The following CNTN5 variants were observed in gnomAD, a reference collection of about 807,000 sequenced individuals.
CNTN5 encodes contactin 5, also known as contactin-5.
A neutral mutation model predicts 129.1 loss-of-function variants in CNTN5; 77 were observed. The observed-to-expected ratio is 0.60, with a 90% CI of 0.50 to 0.72. CNTN5 has a LOEUF of 0.72. Ranked by LOEUF, CNTN5 falls within the 30% of genes least tolerant of loss-of-function variation. CNTN5 has a pLI of 0.00. For synonymous variants in CNTN5, 509 were observed against 465.6 expected (o/e 1.09, Z -1.20); for missense variants, 1,478 against 1,328.8 (o/e 1.11, Z -1.75).
chr11:100,045,674 A>T (rs1389257359), intron 9 of CNTN5, among the ~76,000 whole-genome samples: 2 of 151,932 alleles, frequency 1.3e-5, no homozygotes, highest in Non-Finnish European at 2.9e-5. Flanking sequence ...GTCGGTGGGA[A>T]AACACATACT....
intron 3 of CNTN5, among the ~76,000 whole-genome samples, chr11:99,760,811 G>A (rs908414562): frequency 6.6e-6 from 1 of 151,934 alleles, no homozygotes; most frequent in Non-Finnish European, 1.5e-5. Context: ...AGAATAAATA[G>A]TGAAATATTA....
At chr11:99,980,918 T>C (rs1424723708) in intron 8 of CNTN5, among the ~76,000 whole-genome samples, 1 of 151,734 alleles carries the variant, frequency 6.6e-6, no homozygotes, top group Non-Finnish European at 1.5e-5. Flanking sequence ...ATACCTTTAA[T>C]GATTGAAGTA....
At chr11:100,307,948 A>G (rs1951390200) in intron 20 of CNTN5, among the ~76,000 whole-genome samples, 1 of 151,692 alleles carries the variant, frequency 6.6e-6, no homozygotes, top group African/African-American at 2.4e-5. Context: ...AAGAGATAAA[A>G]CAACTTACCC....
intron 15 of CNTN5, among the ~76,000 whole-genome samples, chr11:100,199,868 A>ATGGACATT (rs1948733736): frequency 6.6e-6 from 1 of 151,972 alleles, no homozygotes; most frequent in African/African-American, 2.4e-5. Context: ...ATCACTTTGT[A>ATGGACATT]CTAAGAATGT....
intron 2 of CNTN5, among the ~76,000 whole-genome samples, chr11:99,417,648 A>T (rs1456575993): frequency 1.3e-5 from 2 of 152,116 alleles, no homozygotes; most frequent in East Asian, 1.9e-4. Flanking sequence ...TGAGTTGAAG[A>T]ATCTAATGCT....
intron 3 of CNTN5, among the ~76,000 whole-genome samples, chr11:99,701,928 C>T (rs149167415): frequency 6.6e-6 from 1 of 150,874 alleles, no homozygotes; most frequent in Non-Finnish European, 1.5e-5. Context: ...ATGTCTGATT[C>T]TACTGTGAAA....
intron 13 of CNTN5, among the ~76,000 whole-genome samples, chr11:100,180,240 C>A (rs985266257): frequency 1.3e-5 from 2 of 152,122 alleles, no homozygotes; most frequent in African/African-American, 4.8e-5. Context: ...GTAATCAAGA[C>A]TGTGTAATGC....
chr11:99,689,496 T>C lies in CNTN5; in HGVS notation c.56-130048T>C, dbSNP rs1423021363. ...GAGCCGAGGTCGCGCCACTGCACTCTACCCTGGGCGACAGAGTGAGACTCC... is the reference window on the plus strand; with the variant it reads ...GAGCCGAGGTCGCGCCACTGCACTCCACCCTGGGCGACAGAGTGAGACTCC... On this transcript the variant is annotated intron_variant, in intron 3 of 24. Coordinates refer to ENST00000524871, the MANE Select transcript of CNTN5 (RefSeq NM_014361.4). 6.1e-5 allele frequency among the ~76,000 whole-genome samples: 7 copies of C among 114,456 alleles called. No individual in the cohort carries two copies. The South Asian group carries it at 9.2e-4, about 15-fold the overall frequency. The allele number at this position is 114,456 out of a possible 152,430, so 75.1% of individuals were successfully genotyped here.
chr11:99,826,593 T>A (rs1426214160), intron 4 of CNTN5, among the ~76,000 whole-genome samples: 1 of 152,228 alleles, frequency 6.6e-6, no homozygotes, highest in Non-Finnish European at 1.5e-5. Context: ...ATCTAAAATA[T>A]ATTGCATGTG....
At chr11:99,600,044 G>T (rs1392866854) in intron 3 of CNTN5, among the ~76,000 whole-genome samples, 4 of 152,092 alleles carry the variant, frequency 2.6e-5, no homozygotes, top group African/African-American at 9.6e-5. Context: ...TGAGTTTAAG[G>T]GTACAAACAA....
At chr11:99,191,783 A>G (rs1441493311) in intron 1 of CNTN5, among the ~76,000 whole-genome samples, 2 of 151,828 alleles carry the variant, frequency 1.3e-5, no homozygotes, top group East Asian at 3.9e-4. Context: ...TGGACACACA[A>G]TATACCACAA....
intron 3 of CNTN5, among the ~76,000 whole-genome samples, chr11:99,641,562 T>C (rs763352852): frequency 4.5e-4 from 68 of 152,084 alleles, no homozygotes; most frequent in Non-Finnish European, 8.5e-4. Flanking sequence ...TCTTAGGAAG[T>C]AGAAATGTGT....
chr11:100,346,969 A>G (rs1402389788), intron 23 of CNTN5, among the ~76,000 whole-genome samples: 1 of 152,108 alleles, frequency 6.6e-6, no homozygotes, highest in African/African-American at 2.4e-5. Context: ...TTATAAAACC[A>G]TCAGATCTCA....
At chr11:99,609,884 G>C (rs770846054) in intron 3 of CNTN5, among the ~76,000 whole-genome samples, 1 of 152,008 alleles carries the variant, frequency 6.6e-6, no homozygotes, top group African/African-American at 2.4e-5. Flanking sequence ...TTTTTCTTAG[G>C]GTTGTTAGAA....
chr11:99,113,314 T>C (rs1857889150), intron 1 of CNTN5, among the ~76,000 whole-genome samples: 1 of 152,106 alleles, frequency 6.6e-6, no homozygotes, highest in Admixed American at 6.6e-5. Context: ...TTTTCTATAT[T>C]ATAACTTCCA....
chr11:100,350,763 C>T lies in CNTN5; in HGVS notation c.3092C>T (p.Ala1031Val). The change falls in exon 24 of 25, where the codon GCA (alanine) becomes GTA (valine). Residue 1031 changes from alanine (A) to valine (V), a missense_variant. Ala to Val is a moderately conservative substitution (Grantham distance 64). Transcript: ENST00000524871. ...GTTATTGAAACACAGAAACTTCAAG[C>T]AGTAGTACCACTCCCAGATGCTGGA... The part of the protein sequence containing the change: ...SQVIETQKLQ[A>V]VVPLPDAGVY... 1.2e-6 allele frequency: 2 copies of T among 1,608,808 alleles called. No homozygotes were observed. The highest frequency in any genetic ancestry group is 2.2e-5 in the East Asian group (1 of 44,770).
intron 9 of CNTN5, among the ~76,000 whole-genome samples, chr11:100,060,418 T>G (rs1421944773): frequency 1.3e-5 from 2 of 151,878 alleles, no homozygotes; most frequent in Non-Finnish European, 2.9e-5. Flanking sequence ...AACAGAAATA[T>G]TACATGTGTG....
intron 4 of CNTN5, among the ~76,000 whole-genome samples, chr11:99,828,781 C>G (rs746093887): frequency 6.6e-6 from 1 of 152,028 alleles, no homozygotes; most frequent in African/African-American, 2.4e-5. Context: ...GTATCTTTAT[C>G]TTCAGTGGTC....
At chr11:99,442,804 G>T (rs1045210522) in intron 2 of CNTN5, among the ~76,000 whole-genome samples, 1 of 152,132 alleles carries the variant, frequency 6.6e-6, no homozygotes, top group Non-Finnish European at 1.5e-5. Flanking sequence ...GAAATCTGTG[G>T]CCTGTTCCAA....
Sources: gnomAD v4.1 joint callset for allele counts (sites outside exome capture counted in the v4.1 genomes callset) on GRCh38, gnomAD v4.1.1 for gene constraint, MANE v1.5 for transcripts, NCBI Gene and HGNC (gene_info 2026-07-23, HGNC 2026-07-21) for gene names.